HS3ST4: variants seen among roughly 807,000 people sequenced by gnomAD.
HS3ST4 encodes heparan sulfate glucosamine 3-O-sulfotransferase 4.
A neutral mutation model predicts 29.2 loss-of-function variants in HS3ST4; 17 were observed. The observed-to-expected ratio is 0.58, with a 90% CI of 0.40 to 0.87. HS3ST4 has a LOEUF of 0.87. HS3ST4 is among the 40% of genes least tolerant of loss of function. HS3ST4 has a pLI of 0.00. For missense variants in HS3ST4, 627 were observed against 634.5 expected (o/e 0.99, Z 0.13); for synonymous variants, 314 against 285.7 (o/e 1.10, Z -1.00).
chr16:26,066,243 G>A (rs1356260910), intron 1 of HS3ST4, among the ~76,000 whole-genome samples: 1 of 152,196 alleles, frequency 6.6e-6, no homozygotes, highest in Non-Finnish European at 1.5e-5. Context: ...AGTACAAGGG[G>A]TATGAGCTAA....
At chr16:26,023,295 T>TTATA (rs779932116) in intron 1 of HS3ST4, among the ~76,000 whole-genome samples, 1 of 150,426 alleles carries the variant, frequency 6.6e-6, no homozygotes, top group Non-Finnish European at 1.5e-5. Flanking sequence ...AATATATGTT[T>TTATA]TATATATATA....
intron 1 of HS3ST4, among the ~76,000 whole-genome samples, chr16:25,699,397 C>T (rs374081108): frequency 1.3e-5 from 2 of 152,252 alleles, no homozygotes; most frequent in Admixed American, 6.5e-5. Context: ...CATTCCCCTC[C>T]GTTCTCAATT....
At chr16:25,939,488 C>T (rs776143429) in intron 1 of HS3ST4, among the ~76,000 whole-genome samples, 13 of 151,994 alleles carry the variant, frequency 8.6e-5, no homozygotes, top group Non-Finnish European at 1.5e-4. Flanking sequence ...CAGGCGCCCA[C>T]TACCATGCCT....
At chr16:25,728,685 G>A (rs892655630) in intron 1 of HS3ST4, among the ~76,000 whole-genome samples, 1 of 152,156 alleles carries the variant, frequency 6.6e-6, no homozygotes, top group African/African-American at 2.4e-5. Context: ...GAGACTCGGT[G>A]GGATAGTGGC....
At chr16:25,727,086 GA>G (rs1256208701) in intron 1 of HS3ST4, among the ~76,000 whole-genome samples, 1 of 152,120 alleles carries the variant, frequency 6.6e-6, no homozygotes, top group African/African-American at 2.4e-5. Flanking sequence ...TGGAGTTGGA[GA>G]ATATAATCTC....
At chr16:25,799,854 A>AT (rs1410395696) in intron 1 of HS3ST4, among the ~76,000 whole-genome samples, 2 of 151,764 alleles carry the variant, frequency 1.3e-5, no homozygotes, top group Admixed American at 6.6e-5. Context: ...CTATCTATCC[A>AT]TTTTTTTAGA....
chr16:25,826,613 GA>G (rs1188117573), intron 1 of HS3ST4, among the ~76,000 whole-genome samples: 6 of 152,044 alleles, frequency 3.9e-5, no homozygotes, highest in African/African-American at 1.4e-4. Flanking sequence ...CAAGGGAAAT[GA>G]ACATGTGAGG....
chr16:25,756,120 A>T (rs970700523), intron 1 of HS3ST4, among the ~76,000 whole-genome samples: 3 of 122,086 alleles, frequency 2.5e-5, no homozygotes, highest in Non-Finnish European at 3.3e-5. Context: ...AAACACACAC[A>T]CACACATACA....
intron 1 of HS3ST4, among the ~76,000 whole-genome samples, chr16:25,758,428 C>T (rs1366836165): frequency 6.6e-6 from 1 of 152,186 alleles, no homozygotes; most frequent in Non-Finnish European, 1.5e-5. Flanking sequence ...CCCCAGCTTG[C>T]TGTCTCTTAT....
intron 1 of HS3ST4, among the ~76,000 whole-genome samples, chr16:25,861,223 T>C (rs374521757): frequency 3.0e-4 from 46 of 152,270 alleles, no homozygotes; most frequent in African/African-American, 9.9e-4. Context: ...AGTGAGGTCC[T>C]GGTGTCTGTC....
chr16:25,812,369 C>G (rs1967049908), intron 1 of HS3ST4, among the ~76,000 whole-genome samples: 1 of 152,226 alleles, frequency 6.6e-6, no homozygotes, highest in African/African-American at 2.4e-5. Context: ...TCTCGGTAAA[C>G]ACTGTACGTG....
intron 1 of HS3ST4, among the ~76,000 whole-genome samples, chr16:26,053,476 A>G (rs113909550): frequency 1.3e-5 from 2 of 152,166 alleles, no homozygotes; most frequent in Non-Finnish European, 2.9e-5. Flanking sequence ...TGTGTATAAC[A>G]TCCTGATGGA....
chr16:25,697,757 T>C (rs888781205), intron 1 of HS3ST4, among the ~76,000 whole-genome samples: 2 of 152,026 alleles, frequency 1.3e-5, no homozygotes, highest in African/African-American at 2.4e-5. Context: ...AGTGCAGTGG[T>C]GTGATCTCTG....
intron 1 of HS3ST4, among the ~76,000 whole-genome samples, chr16:25,927,983 G>A (rs1164194516): frequency 1.4e-5 from 2 of 141,302 alleles, no homozygotes; most frequent in African/African-American, 5.4e-5. Context: ...AGGATTGCTT[G>A]AGGACAGGAG....
At chr16:25,726,051 TTTTCTGTTC>T (rs1464804445) in intron 1 of HS3ST4, among the ~76,000 whole-genome samples, 1 of 151,934 alleles carries the variant, frequency 6.6e-6, no homozygotes, top group Non-Finnish European at 1.5e-5. Context: ...GACTCTTACA[TTTTCTGTTC>T]TTTCATTCTA....
At chr16:25,756,723 G>A (rs138955390) in intron 1 of HS3ST4, among the ~76,000 whole-genome samples, 7 of 152,258 alleles carry the variant, frequency 4.6e-5, no homozygotes, top group Non-Finnish European at 1.0e-4. Context: ...GATGTCACTG[G>A]TGCTGGCACA....
chr16:25,958,826 T>G (rs1596626693), intron 1 of HS3ST4, among the ~76,000 whole-genome samples: 1 of 152,096 alleles, frequency 6.6e-6, no homozygotes, highest in South Asian at 2.1e-4. Flanking sequence ...AGCATGCTGG[T>G]TTCAGGGTCA....
intron 1 of HS3ST4, among the ~76,000 whole-genome samples, chr16:25,869,337 C>T (rs1967726168): frequency 6.6e-6 from 1 of 152,070 alleles, no homozygotes; most frequent in Non-Finnish European, 1.5e-5. Flanking sequence ...CGACTTTCCC[C>T]ATGTAGGGAG....
intron 1 of HS3ST4, among the ~76,000 whole-genome samples, chr16:25,789,474 C>T (rs1966864227): frequency 7.6e-6 from 1 of 132,416 alleles, no homozygotes; most frequent in African/African-American, 3.0e-5. Flanking sequence ...TTCCTTCTTT[C>T]TTTCTTTCTC....
Sources: gnomAD v4.1 joint callset for allele counts (sites outside exome capture counted in the v4.1 genomes callset) on GRCh38, gnomAD v4.1.1 for gene constraint, MANE v1.5 for transcripts, NCBI Gene and HGNC (gene_info 2026-07-23, HGNC 2026-07-21) for gene names.